Variants in CDYL observed in about 807,000 individuals in gnomAD.
The protein encoded by CDYL is chromodomain Y like, also known as chromodomain Y-like protein.
In CDYL, 8 loss-of-function variants were observed where a neutral mutation model predicts 47.3. The ratio of observed to expected loss-of-function variants is 0.17; its 90% confidence interval spans 0.10 to 0.31. CDYL has a LOEUF of 0.31. Ranked by LOEUF, CDYL falls within the 10% of genes least tolerant of loss-of-function variation. The pLI is 1.00. For synonymous variants in CDYL, 266 were observed against 265.0 expected (o/e 1.00, Z -0.04); for missense variants, 471 against 701.4 (o/e 0.67, Z 3.71).
At chr6:4,768,280 A>G (rs1758286674) in intron 3 of CDYL, among the ~76,000 whole-genome samples, 1 of 152,260 alleles carries the variant, frequency 6.6e-6, no homozygotes, top group South Asian at 2.1e-4. Context: ...TCTAACACCC[A>G]GAACTTGCTT....
intron 1 of CDYL, among the ~76,000 whole-genome samples, chr6:4,807,414 A>C (rs9502241): frequency 0.03 from 4,553 of 152,176 alleles, 74 homozygotes; most frequent in Middle Eastern, 0.082. Context: ...GACTGTGAAA[A>C]TAGGGCATTT....
rs371576331 is a variant in CDYL, at chr6:4,798,069, C to A, written c.24+21262C>A. ...CTCACTGCAGCCTTGATTTCCTGGA[C>A]TCAGATGATCCTCTCACCTCAGCCT... On this transcript the variant is annotated intron_variant, in intron 1 of 6. Coordinates refer to ENST00000397588, the MANE Select transcript of CDYL (RefSeq NM_004824.4). Among the ~76,000 whole-genome samples, 115 of 152,038 alleles carry A rather than the reference C, an allele frequency of 7.6e-4. No individual in the cohort carries two copies. The Middle Eastern group carries it at 0.01, about 13-fold the overall frequency.
At chr6:4,732,648 G>A (rs1360226751) in intron 2 of CDYL, among the ~76,000 whole-genome samples, 4 of 136,624 alleles carry the variant, frequency 2.9e-5, no homozygotes, top group African/African-American at 1.1e-4. Context: ...GGGCAACAGA[G>A]AGAGATCCTG....
rs1475001236 is a variant in CDYL at position 4,935,637 on chromosome 6, A to G, written c.814A>G (p.Lys272Glu). Residue 272 changes from lysine to glutamate, a missense_variant, in exon 3 of 7, where the codon AAG (lysine) becomes GAG (glutamate). Physicochemically the swap from Lys to Glu is moderately conservative, Grantham distance 56. This residue lies in a region of CDYL where 311 missense variants were observed against 350.0 expected (regional missense o/e 0.89). Transcript: ENST00000397588. ...IDDRRDQPFD[K>E]RLRFSVRQTE... is the part of the protein sequence containing the mutation. ...CGACAGAAGAGACCAGCCTTTTGAC[A>G]AGCGATTGCGTTTCAGCGTGAGGCA... 6.2e-7 allele frequency: 1 copy of G among 1,614,264 alleles called. No individual in the cohort carries two copies. The highest frequency in any genetic ancestry group is 8.5e-7 in the Non-Finnish European group (1 of 1,180,050).
At chr6:4,721,464 C>T (rs1757368142) in intron 2 of CDYL, among the ~76,000 whole-genome samples, 1 of 152,072 alleles carries the variant, frequency 6.6e-6, no homozygotes, top group South Asian at 2.1e-4. Context: ...CTCATTGCAA[C>T]CTCCGACTCC....
intron 3 of CDYL, among the ~76,000 whole-genome samples, chr6:4,759,307 T>A (rs560033893): frequency 6.6e-6 from 1 of 152,288 alleles, no homozygotes; most frequent in African/African-American, 2.4e-5. Flanking sequence ...TTAATACAGT[T>A]GTTAAAAGTT....
At position 4,954,544 on chromosome 6, in the gene CDYL, A is replaced by C. The variant is rs1233665655; in HGVS notation, c.*488A>C. The C allele has an allele frequency of 1.3e-5, 2 of 152,694 alleles. No individual in the cohort carries two copies. The highest frequency in any genetic ancestry group is 2.9e-5 in the Non-Finnish European group (2 of 68,058). The allele number at this position is 152,694 out of a possible 1,614,324, so 9.5% of individuals were successfully genotyped here. On this transcript the variant is annotated 3_prime_UTR_variant, in exon 7 of 7. Transcript: ENST00000397588. The stretch of plus-strand genomic sequence containing the variant: ...GATGTGAGGCGTTGGCTTTTTCTCC[A>C]AGAAGGTACAGATACCTCAGATTCG...
intron 4 of CDYL, 34 bp from the exon 5 acceptor site, chr6:4,943,512 T>C: frequency 7.0e-7 from 1 of 1,428,526 alleles, no homozygotes; most frequent in Non-Finnish European, 9.8e-7. Flanking sequence ...ATATGCAATG[T>C]TTTGAGTAAT....
At chr6:4,929,086 G>C (rs577088435) in intron 2 of CDYL, among the ~76,000 whole-genome samples, 2 of 152,030 alleles carry the variant, frequency 1.3e-5, no homozygotes, top group Non-Finnish European at 2.9e-5. Context: ...TTTTCCTTCT[G>C]CCTGAAGAAC....
chr6:4,727,435 CCCAT>C, intron 2 of CDYL, among the ~76,000 whole-genome samples: 1 of 152,200 alleles, frequency 6.6e-6, no homozygotes, highest in East Asian at 1.9e-4. Context: ...CAGGCTCAAG[CCCAT>C]CTGTTGTAAG....
rs761352589 is a variant in CDYL at position 4,715,784 on chromosome 6, A to T, written c.6A>T (p.Thr2=). 1.8e-5 allele frequency: 29 copies of T among 1,614,060 alleles called. No individual in the cohort carries two copies. The East Asian group carries it at 5.3e-4, about 30-fold the overall frequency. ...AGAGCCCCCGGAAGAATTTTATGAC[A>T]TTTCAGGCAAGCCACAGGTCAGCCT... is the stretch of plus-strand genomic sequence containing the variant. Residue 2 remains threonine (T), a synonymous_variant, in exon 2 of 9, where the codon ACA becomes ACT. Transcript: ENST00000328908.
intron 3 of CDYL, among the ~76,000 whole-genome samples, chr6:4,765,322 CAA>C (rs921005233): frequency 7.5e-6 from 1 of 133,816 alleles, no homozygotes; most frequent in Non-Finnish European, 1.6e-5. Context: ...GACTTCGTCT[CAA>C]AAAAAAAAAG....
intron 1 of CDYL, among the ~76,000 whole-genome samples, chr6:4,793,281 C>T (rs575578396): frequency 3.3e-5 from 5 of 152,264 alleles, no homozygotes; most frequent in East Asian, 1.9e-4. Flanking sequence ...AGCCACTGCC[C>T]GCCCACCTTC....
intron 1 of CDYL, among the ~76,000 whole-genome samples, chr6:4,880,233 C>G (rs967659381): frequency 3.9e-5 from 6 of 152,114 alleles, no homozygotes; most frequent in Non-Finnish European, 7.3e-5. Context: ...TGTACTGTCT[C>G]CACAGTTTTG....
rs146930076 is a variant in CDYL, at chr6:4,752,272, C to G, written c.186+17428C>G. 5.6e-3 allele frequency among the ~76,000 whole-genome samples: 851 copies of G among 152,280 alleles called. 13 individuals are homozygous for G. The highest frequency in any genetic ancestry group is 0.019 in the African/African-American group (791 of 41,546). ...GCAGCTTCTGGGCAGCCGTTCCCTT[C>G]CTTCCCAAGATGAATGTTGTGAAGG... On this transcript the variant is annotated intron_variant, in intron 3 of 8. Coordinates refer to the CDYL transcript ENST00000328908.
At chr6:4,806,796 C>G (rs1759383163) in intron 1 of CDYL, among the ~76,000 whole-genome samples, 1 of 152,172 alleles carries the variant, frequency 6.6e-6, no homozygotes, top group African/African-American at 2.4e-5. Flanking sequence ...CAGGTTAGTA[C>G]ATTTTTGGCC....
chr6:4,839,418 G>A (rs989452499), intron 1 of CDYL, among the ~76,000 whole-genome samples: 1 of 152,170 alleles, frequency 6.6e-6, no homozygotes, highest in Admixed American at 6.5e-5. Context: ...AAGCTTTTTA[G>A]TTGAATTAAG....
intron 1 of CDYL, among the ~76,000 whole-genome samples, chr6:4,819,156 CTCTCTCTGTGTGTG>C (rs1308790365): frequency 2.3e-5 from 3 of 131,048 alleles, no homozygotes; most frequent in African/African-American, 8.0e-5. Flanking sequence ...CTCTCTCTCT[CTCTCTCTGTGTGTG>C]TGTGTGTGTG....
chr6:4,937,433 G>T (rs1758230285), intron 3 of CDYL, 132 bp from the exon 4 acceptor site: 3 of 602,180 alleles, frequency 5.0e-6, no homozygotes, highest in Non-Finnish European at 8.0e-6. Context: ...GAGTTAGAGA[G>T]CACAGTGAGC....
Sources: allele counts gnomAD v4.1 joint callset (sites outside exome capture counted in the v4.1 genomes callset), GRCh38; gene constraint gnomAD v4.1.1; regional missense constraint gnomAD v4.1.1; transcripts MANE v1.5; gene names NCBI Gene and HGNC (gene_info 2026-07-23, HGNC 2026-07-21).